RAB3GAP1: variants seen among roughly 807,000 people sequenced by gnomAD.
RAB3GAP1 encodes RAB3 GTPase activating protein catalytic subunit 1, also known as rab3 GTPase-activating protein catalytic subunit.
Under a neutral mutation model 130.7 loss-of-function variants are expected in RAB3GAP1, and 86 were observed. The ratio of observed to expected loss-of-function variants is 0.66; its 90% CI spans 0.55 to 0.79. The LOEUF is 0.79. Ranked by LOEUF, RAB3GAP1 falls within the 30% of genes least tolerant of loss-of-function variation. The pLI is 0.00. For synonymous variants in RAB3GAP1, 367 were observed against 401.7 expected, an observed-to-expected ratio of 0.91 and a Z score of 1.03; for missense variants, 1,029 against 1,169.4, an observed-to-expected ratio of 0.88 and a Z score of 1.75.
chr2:135,148,670 T>C, intron 17 of RAB3GAP1, among the ~76,000 whole-genome samples: 1 of 117,542 alleles, frequency 8.5e-6, no homozygotes, highest in South Asian at 2.5e-4. Context: ...TTTTGTATCT[T>C]TTTTTTTTTT....
Position 135,167,596 on chromosome 2 carries a change from G to A in RAB3GAP1, c.2710-949G>A, listed in dbSNP as rs918916457. The A allele has an allele frequency of 1.7e-5, 18 of 1,052,354 alleles. No individual in the cohort carries two copies. In the African/African-American group the frequency reaches 2.5e-4, roughly 15 times the overall value. 65.2% of individuals were successfully genotyped at this position (1,052,354 alleles called of 1,614,324 possible). On this transcript the variant is annotated intron_variant, in intron 23 of 23. Transcript: ENST00000264158. The stretch of plus-strand genomic sequence containing the variant: ...CATGTTCCATAATGTAGTGCATACT[G>A]TCTTTGAAATAATCCTGAACTCCCT...
chr2:135,095,823 G>A (rs1457629510), intron 5 of RAB3GAP1, among the ~76,000 whole-genome samples: 1 of 152,114 alleles, frequency 6.6e-6, no homozygotes, highest in African/African-American at 2.4e-5. Context: ...CTGCCCCTTA[G>A]GCACTTAGTA....
chr2:135,148,464 C>G (rs1167724636), intron 17 of RAB3GAP1, among the ~76,000 whole-genome samples: 1 of 151,218 alleles, frequency 6.6e-6, no homozygotes, highest in African/African-American at 2.4e-5. Flanking sequence ...TGTCCTTACC[C>G]AGTGGATTGG....
downstream of RAB3GAP1, among the ~76,000 whole-genome samples, chr2:135,171,460 A>G (rs764254570): frequency 1.3e-5 from 2 of 152,108 alleles, no homozygotes; most frequent in Non-Finnish European, 2.9e-5. Context: ...TACAACTGCA[A>G]TGTGTTTTTT....
At chr2:135,113,842 C>T (rs112175536) in intron 6 of RAB3GAP1, among the ~76,000 whole-genome samples, 2 of 151,976 alleles carry the variant, frequency 1.3e-5, no homozygotes, top group African/African-American at 2.4e-5. Flanking sequence ...TGAGTTCAAG[C>T]GACTCTCCTG....
chr2:135,117,471 TCTG>T (rs754743893), intron 7 of RAB3GAP1, among the ~76,000 whole-genome samples: 9 of 144,606 alleles, frequency 6.2e-5, no homozygotes, highest in Admixed American at 1.4e-4. Context: ...TGCTTCTGCT[TCTG>T]CTTCTTCTGC....
At chr2:135,162,503 T>G in intron 19 of RAB3GAP1, 52 bp from the exon 20 acceptor site, 3 of 1,419,956 alleles carry the variant, frequency 2.1e-6, no homozygotes, top group East Asian at 2.3e-5. Context: ...AAGTGGCTGC[T>G]TCATCCTTTG....
intron 17 of RAB3GAP1, among the ~76,000 whole-genome samples, chr2:135,137,908 C>G (rs1477277901): frequency 6.6e-6 from 1 of 151,918 alleles, no homozygotes; most frequent in Non-Finnish European, 1.5e-5. Flanking sequence ...TTACTGCAGC[C>G]TTGACCTCCT....
At chr2:135,129,465 TAAAA>T (rs1325555492) in intron 11 of RAB3GAP1, among the ~76,000 whole-genome samples, 3 of 149,610 alleles carry the variant, frequency 2.0e-5, no homozygotes, top group African/African-American at 4.9e-5. Context: ...AAAAAAAAAA[TAAAA>T]TAAATAAAAA....
At chr2:135,117,425 T>C (rs1035900592) in intron 7 of RAB3GAP1, among the ~76,000 whole-genome samples, 2 of 147,546 alleles carry the variant, frequency 1.4e-5, no homozygotes, top group Non-Finnish European at 3.0e-5. Context: ...CTTCTTCTTC[T>C]TCTTCTTCTT....
chr2:135,167,709 ATG>A, intron 23 of RAB3GAP1: 1 of 1,491,064 alleles, frequency 6.7e-7, no homozygotes, highest in East Asian at 2.5e-5. Flanking sequence ...GAATCTTCTG[ATG>A]AGGTAACAAA....
intron 16 of RAB3GAP1, 87 bp downstream of exon 16, chr2:135,135,406 GT>G: frequency 1.4e-6 from 2 of 1,454,166 alleles, no homozygotes; most frequent in Non-Finnish European, 1.9e-6. Flanking sequence ...GTTACATGCT[GT>G]TCTCATGGTG....
At chr2:135,127,860 C>G (rs1244081096) in intron 11 of RAB3GAP1, among the ~76,000 whole-genome samples, 1 of 152,054 alleles carries the variant, frequency 6.6e-6, no homozygotes, top group Non-Finnish European at 1.5e-5. Flanking sequence ...GGGATTCGTC[C>G]CCTTCCCTTT....
rs762431904 is a variant in RAB3GAP1, at chr2:135,126,640, T to C, written c.957T>C (p.Asn319=). ...HWSVRVRKAE[N]PQCLLGDFVT... ...CTGTTAGAGTTCGAAAAGCTGAGAATCCTCAGTGTTTGCTAGGTAAGGTAT... is the reference window on the plus strand; with the variant it reads ...CTGTTAGAGTTCGAAAAGCTGAGAACCCTCAGTGTTTGCTAGGTAAGGTAT... The change falls in exon 11 of 24, where the codon AAT becomes AAC. Residue 319 remains asparagine, a synonymous_variant. Coordinates refer to ENST00000264158, the MANE Select transcript of RAB3GAP1 (RefSeq NM_012233.3). 1.4e-5 allele frequency: 23 copies of C among 1,611,976 alleles called. No homozygotes were observed. Among genetic ancestry groups the C allele is most frequent in the Non-Finnish European group, 1.8e-5 (21 of 1,178,244 alleles).
intron 2 of RAB3GAP1, among the ~76,000 whole-genome samples, chr2:135,056,099 G>GT (rs1410617449): frequency 1.2e-4 from 18 of 151,718 alleles, no homozygotes. Context: ...GCCTCCCAAA[G>GT]TGCTGGGATT....
intron 11 of RAB3GAP1, among the ~76,000 whole-genome samples, chr2:135,127,492 C>T (rs1691388259): frequency 6.6e-6 from 1 of 151,606 alleles, no homozygotes; most frequent in Admixed American, 6.6e-5. Context: ...TATAGGCGCC[C>T]GCCACCACGC....
chr2:135,072,876 T>C (rs1047100105), intron 3 of RAB3GAP1, among the ~76,000 whole-genome samples: 2 of 152,230 alleles, frequency 1.3e-5, no homozygotes, highest in Non-Finnish European at 2.9e-5. Context: ...GGGGAGCAGA[T>C]AGGGAAGTTG....
chr2:135,068,773 A>G (rs970159371), intron 3 of RAB3GAP1, among the ~76,000 whole-genome samples: 17 of 152,088 alleles, frequency 1.1e-4, no homozygotes, highest in African/African-American at 3.6e-4. Flanking sequence ...ACAAAACAAA[A>G]CAATCCATGC....
chr2:135,124,072 C>A, intron 8 of RAB3GAP1, 93 bp from the exon 9 acceptor site: 3 of 1,213,400 alleles, frequency 2.5e-6, no homozygotes, highest in Non-Finnish European at 3.6e-6. Flanking sequence ...CTCTTGCAGA[C>A]ACTTTTAAAG....
Sources: gnomAD v4.1 joint callset for allele counts (sites outside exome capture counted in the v4.1 genomes callset) on GRCh38, gnomAD v4.1.1 for gene constraint, MANE v1.5 for transcripts, NCBI Gene and HGNC (gene_info 2026-07-23, HGNC 2026-07-21) for gene names.